The following CCNY variants were observed in gnomAD, a reference collection of about 807,000 sequenced individuals.
CCNY encodes cyclin-Y.
A neutral mutation model predicts 42.8 loss-of-function variants in CCNY; 19 were observed. The ratio of observed to expected loss-of-function variants is 0.44; its 90% CI spans 0.31 to 0.65. CCNY has a LOEUF of 0.65. Ranked by LOEUF, CCNY falls within the 30% of genes least tolerant of loss-of-function variation. The pLI, the probability that CCNY is intolerant of heterozygous loss-of-function variation, is 0.07. For missense variants in CCNY, 370 were observed against 437.3 expected (o/e 0.85, Z 1.37); for synonymous variants, 165 against 162.7 (o/e 1.01, Z -0.11).
intron 3 of CCNY, among the ~76,000 whole-genome samples, chr10:35,263,085 G>A (rs12250016): frequency 0.37 from 56,101 of 151,594 alleles, 10,954 homozygotes; most frequent in African/African-American, 0.5. Flanking sequence ...AGCCGGGCAC[G>A]GTGGCTCACG....
chr10:35,317,463 CAT>C (rs1381917324), intron 3 of CCNY, among the ~76,000 whole-genome samples: 5 of 152,182 alleles, frequency 3.3e-5, no homozygotes, highest in Admixed American at 6.5e-5. Context: ...CCAAGCAGCA[CAT>C]GTGTTTAATC....
At chr10:35,560,264 C>T (rs1218533337) in intron 8 of CCNY, among the ~76,000 whole-genome samples, 1 of 152,068 alleles carries the variant, frequency 6.6e-6, no homozygotes, top group South Asian at 2.1e-4. Flanking sequence ...CTGAAGGGCA[C>T]GAAGGCAGTG....
At chr10:35,465,166 A>G (rs1839230930) in intron 1 of CCNY, among the ~76,000 whole-genome samples, 3 of 151,850 alleles carry the variant, frequency 2.0e-5, no homozygotes, top group Non-Finnish European at 2.9e-5. Flanking sequence ...TGTTCCTTTC[A>G]TTATTCAGCT....
At chr10:35,543,168 C>T (rs748390693) in intron 7 of CCNY, among the ~76,000 whole-genome samples, 1 of 152,146 alleles carries the variant, frequency 6.6e-6, no homozygotes, top group Non-Finnish European at 1.5e-5. Flanking sequence ...TTGTAAAATA[C>T]TGTGTGTGTT....
intron 1 of CCNY, among the ~76,000 whole-genome samples, chr10:35,460,899 C>G (rs1839144080): frequency 6.6e-6 from 1 of 152,068 alleles, no homozygotes; most frequent in South Asian, 2.1e-4. Flanking sequence ...CTAAGATGAA[C>G]AGGATACAGT....
chr10:35,493,151 T>C (rs774562084), intron 2 of CCNY, among the ~76,000 whole-genome samples: 2 of 152,328 alleles, frequency 1.3e-5, no homozygotes, highest in Non-Finnish European at 2.9e-5. Flanking sequence ...GCTGATATAG[T>C]ACAAACTCAG....
At chr10:35,258,005 T>A (rs2095716868) in intron 3 of CCNY, among the ~76,000 whole-genome samples, 1 of 152,208 alleles carries the variant, frequency 6.6e-6, no homozygotes, top group Non-Finnish European at 1.5e-5. Context: ...TCCTTCTGCC[T>A]GCTCAAATCT....
chr10:35,347,061 G>A (rs1007140317), intron 1 of CCNY, among the ~76,000 whole-genome samples: 1 of 152,204 alleles, frequency 6.6e-6, no homozygotes, highest in Non-Finnish European at 1.5e-5. Flanking sequence ...ACAACTCTGG[G>A]CTGAGTCTAG....
chr10:35,427,114 C>G (rs1174578444), intron 1 of CCNY, among the ~76,000 whole-genome samples: 1 of 152,068 alleles, frequency 6.6e-6, no homozygotes, highest in South Asian at 2.1e-4. Flanking sequence ...TGCCACAGAC[C>G]CTGTCACGAA....
intron 3 of CCNY, among the ~76,000 whole-genome samples, chr10:35,293,558 T>G (rs1029095366): frequency 6.6e-6 from 1 of 152,214 alleles, no homozygotes; most frequent in Non-Finnish European, 1.5e-5. Context: ...TTGGGGGTAC[T>G]GCCATCTAAA....
intron 3 of CCNY, among the ~76,000 whole-genome samples, chr10:35,273,368 A>AC (rs1554964455): frequency 6.6e-6 from 1 of 151,268 alleles, no homozygotes; most frequent in African/African-American, 2.4e-5. Flanking sequence ...TGCCCGGCTC[A>AC]TTTTTTTTGT....
chr10:35,437,446 G>A (rs900841741), intron 1 of CCNY, among the ~76,000 whole-genome samples: 2 of 152,142 alleles, frequency 1.3e-5, no homozygotes, highest in Non-Finnish European at 2.9e-5. Context: ...CTTAAGCCCA[G>A]GAGTTCGAGA....
At chr10:35,287,478 G>A (rs1835367240) in intron 3 of CCNY, among the ~76,000 whole-genome samples, 2 of 152,130 alleles carry the variant, frequency 1.3e-5, no homozygotes, top group Non-Finnish European at 2.9e-5. Context: ...TTCATGTACT[G>A]TTTCAATCAA....
chr10:35,438,299 C>T (rs1305090576), intron 1 of CCNY, among the ~76,000 whole-genome samples: 8 of 151,434 alleles, frequency 5.3e-5, no homozygotes, highest in South Asian at 4.2e-4. Context: ...TAGGTGCACA[C>T]CACCATGCCT....
chr10:35,354,922 T>C (rs1204767179), intron 1 of CCNY, among the ~76,000 whole-genome samples: 2 of 152,226 alleles, frequency 1.3e-5, no homozygotes, highest in Non-Finnish European at 2.9e-5. Flanking sequence ...TATTTTTCTT[T>C]TAATCTTTAT....
chr10:35,452,549 AC>A (rs1399910472), intron 1 of CCNY, among the ~76,000 whole-genome samples: 1 of 152,122 alleles, frequency 6.6e-6, no homozygotes, highest in Non-Finnish European at 1.5e-5. Context: ...TGTTTGTTTT[AC>A]CATTTCATGG....
intron 1 of CCNY, among the ~76,000 whole-genome samples, chr10:35,372,171 C>T (rs1307078536): frequency 6.6e-6 from 1 of 152,150 alleles, no homozygotes; most frequent in Non-Finnish European, 1.5e-5. Context: ...AGGAGTCACT[C>T]TGGAGGAGGG....
chr10:35,485,258 G>T (rs543137369), intron 2 of CCNY, among the ~76,000 whole-genome samples: 25 of 152,192 alleles, frequency 1.6e-4, no homozygotes, highest in Non-Finnish European at 2.8e-4. Flanking sequence ...GTGACCTAAG[G>T]ACATTTTCTC....
intron 1 of CCNY, among the ~76,000 whole-genome samples, chr10:35,476,834 C>T (rs1460471384): frequency 1.3e-4 from 20 of 152,108 alleles, no homozygotes; most frequent in Admixed American, 1.3e-3. Flanking sequence ...TCAAAAAAAT[C>T]AATGAATCCA....
Sources: gnomAD v4.1 joint callset for allele counts (sites outside exome capture counted in the v4.1 genomes callset) on GRCh38, gnomAD v4.1.1 for gene constraint, MANE v1.5 for transcripts, NCBI Gene and HGNC (gene_info 2026-07-23, HGNC 2026-07-21) for gene names.